PPHLN1: variants seen among roughly 807,000 people sequenced by gnomAD.
PPHLN1 encodes the protein periphilin 1.
PPHLN1 carries 29 observed loss-of-function variants against 51.3 expected under a neutral mutation model. That is an observed-to-expected ratio of 0.57 (90% CI 0.42 to 0.77). The LOEUF (loss-of-function observed/expected upper bound fraction) is 0.77. Ranked by LOEUF, PPHLN1 falls within the 30% of genes least tolerant of loss-of-function variation. PPHLN1 has a pLI of 0.00. For missense variants in PPHLN1, 436 were observed against 438.4 expected, an observed-to-expected ratio of 0.99 and a Z score of 0.05; for synonymous variants, 147 against 147.8, an observed-to-expected ratio of 0.99 and a Z score of 0.04.
At chr12:42,442,344 G>A (rs900444469), downstream of PPHLN1, among the ~76,000 whole-genome samples, 1 of 152,174 alleles carries the variant, frequency 6.6e-6, no homozygotes, top group Non-Finnish European at 1.5e-5. Flanking sequence ...CGAAGAGTAG[G>A]TAACAAGGTA....
intron 9 of PPHLN1, among the ~76,000 whole-genome samples, chr12:42,413,526 A>ATATG (rs1489120341): frequency 1.5e-5 from 2 of 136,518 alleles, no homozygotes; most frequent in African/African-American, 5.7e-5. Flanking sequence ...ATATATGTAT[A>ATATG]TGTGTGTGTG....
intron 1 of PPHLN1, among the ~76,000 whole-genome samples, chr12:42,327,700 G>C (rs1348895011): frequency 6.6e-6 from 1 of 152,224 alleles, no homozygotes; most frequent in African/African-American, 2.4e-5. Context: ...TACTAAGCGA[G>C]ACTGTCGGTG....
downstream of PPHLN1, chr12:42,446,477 T>G: frequency 7.2e-7 from 1 of 1,382,172 alleles, no homozygotes; most frequent in Non-Finnish European, 9.8e-7. Flanking sequence ...TATGGAAGGA[T>G]ATGCAAAAAA....
intron 9 of PPHLN1, among the ~76,000 whole-genome samples, chr12:42,424,533 A>T (rs1184474812): frequency 1.3e-5 from 2 of 152,302 alleles, no homozygotes; most frequent in East Asian, 3.9e-4. Flanking sequence ...CCTGTCTTCT[A>T]CAAATACATA....
chr12:42,332,655 T>TA, intron 1 of PPHLN1: 1 of 1,572,434 alleles, frequency 6.4e-7, no homozygotes, highest in Non-Finnish European at 8.7e-7. Context: ...TTCCCCCCCT[T>TA]ACAGGAAATT....
intron 8 of PPHLN1, among the ~76,000 whole-genome samples, chr12:42,398,290 T>A (rs1051411190): frequency 2.0e-5 from 3 of 152,218 alleles, no homozygotes; most frequent in African/African-American, 4.8e-5. Context: ...ATTATTAGGC[T>A]ACAGGAGCAA....
At chr12:42,357,123 A>G (rs980650609) in intron 4 of PPHLN1, among the ~76,000 whole-genome samples, 1 of 152,234 alleles carries the variant, frequency 6.6e-6, no homozygotes. Flanking sequence ...AAAGGAAATA[A>G]AAGTGAATCA....
At chr12:42,390,857 G>A (rs1287699771) in intron 7 of PPHLN1, among the ~76,000 whole-genome samples, 1 of 147,574 alleles carries the variant, frequency 6.8e-6, no homozygotes, top group African/African-American at 2.5e-5. Context: ...ATAGAGATGG[G>A]GTCTTGCTAT....
chr12:42,392,967 A>G (rs376469058), intron 7 of PPHLN1, among the ~76,000 whole-genome samples: 16 of 152,330 alleles, frequency 1.1e-4, no homozygotes, highest in East Asian at 7.7e-4. Flanking sequence ...AAAGTCATCT[A>G]CCTAGCAAGT....
At chr12:42,390,007 G>A (rs1162844966) in intron 7 of PPHLN1, among the ~76,000 whole-genome samples, 2 of 152,090 alleles carry the variant, frequency 1.3e-5, no homozygotes, top group Non-Finnish European at 2.9e-5. Context: ...GTTTCCATCT[G>A]TTCTCTCCAG....
Position 42,441,633 on chromosome 12 carries a change from C to A in PPHLN1, c.*124C>A. The A allele has an allele frequency of 7.6e-7, 1 of 1,320,428 alleles. No homozygotes were observed. Among genetic ancestry groups the A allele is most frequent in the Non-Finnish European group, 9.8e-7 (1 of 1,022,158 alleles). 81.8% of individuals were successfully genotyped at this position (1,320,428 alleles called of 1,614,324 possible). ...AGAAATACTTTATGATAGTTGACAA[C>A]ATTTCAGTATTAAATAAACATCTAA... On this transcript the variant is annotated 3_prime_UTR_variant, in exon 10 of 10. Coordinates refer to ENST00000358314, the MANE Select transcript of PPHLN1 (RefSeq NM_201439.2).
chr12:42,350,903 C>T lies in PPHLN1; in HGVS notation c.73-982C>T, dbSNP rs939815818. Reference sequence around the variant, plus strand: ...CAGGCAGGGAGAGGTTGCAGTGAGCCGAGATCGCGGCAGTACAGTCCAGCC... The same window carrying T: ...CAGGCAGGGAGAGGTTGCAGTGAGCTGAGATCGCGGCAGTACAGTCCAGCC... On this transcript the variant is annotated intron_variant, in intron 2 of 9. Coordinates refer to ENST00000358314, the MANE Select transcript of PPHLN1 (RefSeq NM_201439.2). 2.0e-5 allele frequency among the ~76,000 whole-genome samples: 3 copies of T among 151,736 alleles called. No homozygotes were observed. In the South Asian group the frequency reaches 6.3e-4, roughly 32 times the overall value.
At chr12:42,446,009 AC>A, downstream of PPHLN1, 11 of 1,540,520 alleles carry the variant, frequency 7.1e-6, no homozygotes, top group Non-Finnish European at 9.6e-6. Flanking sequence ...ATCAAACCAT[AC>A]CATAGTGGGG....
At chr12:42,427,289 A>G (rs1305729991) in intron 9 of PPHLN1, among the ~76,000 whole-genome samples, 1 of 152,232 alleles carries the variant, frequency 6.6e-6, no homozygotes, top group African/African-American at 2.4e-5. Flanking sequence ...ATAAAAATTA[A>G]TTCAGTGTTT....
chr12:42,428,842 T>A (rs1206615846), intron 9 of PPHLN1, among the ~76,000 whole-genome samples: 1 of 148,412 alleles, frequency 6.7e-6, no homozygotes, highest in East Asian at 2.0e-4. Flanking sequence ...TTTTTTAACT[T>A]AAGGGACTTT....
intron 8 of PPHLN1, among the ~76,000 whole-genome samples, chr12:42,396,678 T>TG (rs1315333198): frequency 7.6e-6 from 1 of 132,104 alleles, no homozygotes; most frequent in Non-Finnish European, 1.6e-5. Flanking sequence ...TAGTCCCAGC[T>TG]ACTCAGGAGA....
intron 4 of PPHLN1, among the ~76,000 whole-genome samples, chr12:42,358,658 G>T (rs978944925): frequency 2.4e-4 from 36 of 152,188 alleles, no homozygotes; most frequent in African/African-American, 8.4e-4. Context: ...CTCCTGCCTT[G>T]GTCTCCCAGA....
At position 42,354,176 on chromosome 12, in the gene PPHLN1, T is replaced by C. The variant is rs577796000; in HGVS notation, c.238-985T>C. Among the ~76,000 whole-genome samples, 11 of 152,312 alleles carry C rather than the reference T, an allele frequency of 7.2e-5. No homozygotes were observed. The South Asian group carries it at 2.3e-3, about 32-fold the overall frequency. ...GATATTTATTTTAGACGAATCCGTT[T>C]TCCTGATACGTAATTTGCATATTGT... On this transcript the variant is annotated intron_variant, in intron 3 of 9. Coordinates refer to ENST00000358314, the MANE Select transcript of PPHLN1 (RefSeq NM_201439.2).
chr12:42,361,485 T>A (rs185778408), intron 4 of PPHLN1: 68 of 152,306 alleles, frequency 4.5e-4, no homozygotes, highest in African/African-American at 1.5e-3. Flanking sequence ...CTTTACTCCC[T>A]TAAAACAGAC....
Sources: gnomAD v4.1 joint callset for allele counts (sites outside exome capture counted in the v4.1 genomes callset) on GRCh38, gnomAD v4.1.1 for gene constraint, MANE v1.5 for transcripts, NCBI Gene and HGNC (gene_info 2026-07-23, HGNC 2026-07-21) for gene names.